Variants in IVNS1ABP observed in about 807,000 individuals in gnomAD.
IVNS1ABP encodes the protein influenza virus NS1A-binding protein.
Under a neutral mutation model 78.9 loss-of-function variants are expected in IVNS1ABP, and 25 were observed. The ratio of observed to expected loss-of-function variants is 0.32; its 90% CI spans 0.23 to 0.44. The LOEUF is 0.44. Among genes scored for constraint, IVNS1ABP ranks in the 20% least tolerant of loss-of-function variants. The pLI, the probability that IVNS1ABP is intolerant of heterozygous loss-of-function variation, is 1.00. For missense variants in IVNS1ABP, 494 were observed against 768.9 expected (o/e 0.64, Z 4.23); for synonymous variants, 241 against 259.7 (o/e 0.93, Z 0.69).
chr1:185,309,262 C>G (rs1193821547), intron 3 of IVNS1ABP, 90 bp from the exon 4 acceptor site: 4 of 1,213,050 alleles, frequency 3.3e-6, no homozygotes, highest in Admixed American at 2.7e-5. Flanking sequence ...TCTTACATTT[C>G]TCAGTATTCT....
intron 9 of IVNS1ABP, 93 bp from the exon 10 acceptor site, chr1:185,301,289 A>C: frequency 7.1e-7 from 1 of 1,407,898 alleles, no homozygotes; most frequent in Non-Finnish European, 9.9e-7. Flanking sequence ...CACATCCCAG[A>C]CTGGAACAAT....
At chr1:185,303,741 G>T (rs745795471) in intron 8 of IVNS1ABP, among the ~76,000 whole-genome samples, 27 of 151,748 alleles carry the variant, frequency 1.8e-4, no homozygotes, top group Non-Finnish European at 3.7e-4. Flanking sequence ...CTATAAACTG[G>T]GCTCAAACTT....
rs146966164 is a variant in IVNS1ABP, at chr1:185,312,643, A to C, written c.-246-1321T>G. 4.3e-3 allele frequency among the ~76,000 whole-genome samples: 652 copies of C among 152,346 alleles called. 5 individuals are homozygous for C. Among genetic ancestry groups the C allele is most frequent in the African/African-American group, 0.015 (613 of 41,580 alleles). ...GATTGTTGTGAATGCTTACCCTTGC[A>C]TCAAAACTATATCACAGCATTAGGT... On this transcript the variant is annotated intron_variant, in intron 1 of 14. Coordinates refer to ENST00000367498, the MANE Select transcript of IVNS1ABP (RefSeq NM_006469.5).
rs534246432 is a variant in IVNS1ABP at position 185,313,320 on chromosome 1, T to C, written c.-246-1998A>G. On this transcript the variant is annotated intron_variant, in intron 1 of 14. Coordinates refer to ENST00000367498, the MANE Select transcript of IVNS1ABP (RefSeq NM_006469.5). Reference sequence around the variant, plus strand: ...TTCCATGACAGTACCTGATTTTTAGTACATCAAGGTCATAATATGAACCTC... The same window carrying C: ...TTCCATGACAGTACCTGATTTTTAGCACATCAAGGTCATAATATGAACCTC... 6.6e-5 allele frequency among the ~76,000 whole-genome samples: 10 copies of C among 152,194 alleles called. No homozygotes were observed. The East Asian group carries it at 1.9e-3, about 29-fold the overall frequency.
In IVNS1ABP at chr1:185,296,986, T is replaced by C. The variant is rs370788093; in HGVS notation, c.*1049A>G. 12 of 152,260 alleles carry C rather than the reference T, an allele frequency of 7.9e-5. No individual in the cohort carries two copies. The highest frequency in any genetic ancestry group is 5.8e-4 in the East Asian group (3 of 5,178). 9.4% of individuals were successfully genotyped at this position (152,260 alleles called of 1,614,324 possible). A position where few individuals can be genotyped will look rare whatever the true frequency, so the allele number is the denominator to read the frequency against. On this transcript the variant is annotated 3_prime_UTR_variant, in exon 15 of 15. Transcript: ENST00000367498. ...TGCTATTTTGGCCCCATAAGTTAGGTGTGTAGCACTACACATTAGACACCA... is the reference window on the plus strand; with the variant it reads ...TGCTATTTTGGCCCCATAAGTTAGGCGTGTAGCACTACACATTAGACACCA...
intron 5 of IVNS1ABP, chr1:185,307,931 G>A: frequency 6.5e-7 from 1 of 1,534,008 alleles, no homozygotes; most frequent in Non-Finnish European, 8.8e-7. Flanking sequence ...GAATAATTTG[G>A]TAAGGCTTCA....
At position 185,301,528 on chromosome 1, in the gene IVNS1ABP, T is replaced by G; in HGVS notation, c.801A>C (p.Ile267=). 6 of 1,613,184 alleles carry G rather than the reference T, an allele frequency of 3.7e-6. No individual in the cohort carries two copies. The highest frequency in any genetic ancestry group is 5.1e-6 in the Non-Finnish European group (6 of 1,179,358). ...KPPRENGHKQ[I]SSSSTGCLSS... is the part of the protein sequence containing the mutation. The stretch of plus-strand genomic sequence containing the variant: ...AGAGACATCCAGTTGAACTGCTACT[T>G]ATCTGCTTATGGCCATTCTCACGTG... Residue 267 remains isoleucine, a synonymous_variant, in exon 9 of 15, where the codon ATA becomes ATC. Coordinates refer to ENST00000367498, the MANE Select transcript of IVNS1ABP (RefSeq NM_006469.5).
Position 185,298,137 on chromosome 1 carries a change from A to G in IVNS1ABP, c.1827T>C (p.Tyr609=). Reference sequence around the variant, plus strand: ...CATTGCCATCGAATCCTCCCACTGCATAAATGGTGTTCCCTACAGTTGCAA... The same window carrying G: ...CATTGCCATCGAATCCTCCCACTGCGTAAATGGTGTTCCCTACAGTTGCAA... ...AGIATVGNTI[Y]AVGGFDGNEF... Residue 609 remains tyrosine (Y), a synonymous_variant, in exon 15 of 15, where the codon TAT becomes TAC. Coordinates refer to ENST00000367498, the MANE Select transcript of IVNS1ABP (RefSeq NM_006469.5). This position sits in a 1 kb window ranked among gnomAD's most constrained non-coding sequence, Gnocchi z 4.1. 6.2e-7 allele frequency: 1 copy of G among 1,613,858 alleles called. No homozygotes were observed. The highest frequency in any genetic ancestry group is 8.5e-7 in the Non-Finnish European group (1 of 1,179,824).
In IVNS1ABP at chr1:185,299,710, C is replaced by T; in HGVS notation, c.1675G>A (p.Gly559Arg). ...RRGAGVAVLN[G>R]KLFVCGGFDG... ...CACCTCTCCAAATCCCAACACTCAC[C>T]ATTAAGAACAGCCACTCCAGCTCCT... Residue 559 changes from glycine (G) to arginine (R), a missense_variant and splice_region_variant, in exon 14 of 15, where the codon GGA (glycine) becomes AGA (arginine). Gly to Arg is a moderately radical substitution (Grantham distance 125). Coordinates refer to ENST00000367498, the MANE Select transcript of IVNS1ABP (RefSeq NM_006469.5). The T allele has an allele frequency of 6.2e-7, 1 of 1,613,554 alleles. No homozygotes were observed. The highest frequency in any genetic ancestry group is 8.5e-7 in the Non-Finnish European group (1 of 1,179,648).
chr1:185,296,894 C>T lies in IVNS1ABP; in HGVS notation c.*1141G>A, dbSNP rs763543703. ...GTACAAGCAGCAATTGGATATTAATCCCATGGTGCAAGGATTTCCTGCAAA... is the reference window on the plus strand; with the variant it reads ...GTACAAGCAGCAATTGGATATTAATTCCATGGTGCAAGGATTTCCTGCAAA... On this transcript the variant is annotated 3_prime_UTR_variant, in exon 15 of 15. Coordinates refer to ENST00000367498, the MANE Select transcript of IVNS1ABP (RefSeq NM_006469.5). 2 of 152,054 alleles carry T rather than the reference C, an allele frequency of 1.3e-5. No homozygotes were observed. Among genetic ancestry groups the T allele is most frequent in the Non-Finnish European group, 1.5e-5 (1 of 67,990 alleles). The allele number at this position is 152,054 out of a possible 1,614,324, so 9.4% of individuals were successfully genotyped here. A position where few individuals can be genotyped will look rare whatever the true frequency, so the allele number is the denominator to read the frequency against.
Position 185,300,040 on chromosome 1 carries a change from G to T in IVNS1ABP, c.1460C>A (p.Pro487His). 6.2e-7 allele frequency: 1 copy of T among 1,613,344 alleles called. No individual in the cohort carries two copies. The highest frequency in any genetic ancestry group is 8.5e-7 in the Non-Finnish European group (1 of 1,179,728). Residue 487 changes from proline to histidine, a missense_variant, in exon 13 of 15, where the codon CCT becomes CAT. By Grantham distance (77) the Pro-to-His change is moderately conservative. Coordinates refer to ENST00000367498, the MANE Select transcript of IVNS1ABP (RefSeq NM_006469.5). ...KGLKNCDVFD[P>H]VTKLWTSCAP... ...ACAGCTTGTCCACAACTTTGTTACA[G>T]GATCAAATACATCACAATTTTTCAG...
rs547926029 is a variant in IVNS1ABP, at chr1:185,300,861, A to G, written c.1120+111T>C. ...TATTCAATAGTATTGTTATTTCCCT[A>G]TCTTATTGGATTGCCGTGAAAGATG... is the stretch of plus-strand genomic sequence containing the variant. On this transcript the variant is annotated intron_variant, in intron 10 of 14. Transcript: ENST00000367498. 3.8e-6 allele frequency: 3 copies of G among 789,476 alleles called. No individual in the cohort carries two copies. The East Asian group carries it at 7.6e-5, about 20-fold the overall frequency. The allele number at this position is 789,476 out of a possible 1,614,324, so 48.9% of individuals were successfully genotyped here.
chr1:185,307,912 T>C (rs1665781355), intron 5 of IVNS1ABP: 1 of 1,524,986 alleles, frequency 6.6e-7, no homozygotes. Context: ...ACATAAGTAT[T>C]TTCAAGTAGA....
rs931249980 is a variant in IVNS1ABP, at chr1:185,296,408, C to T, written c.*1627G>A. The T allele has an allele frequency of 5.3e-5, 8 of 152,094 alleles. No individual in the cohort carries two copies. The highest frequency in any genetic ancestry group is 1.0e-4 in the Non-Finnish European group (7 of 68,000). The allele number at this position is 152,094 out of a possible 1,614,324, so 9.4% of individuals were successfully genotyped here. A position where few individuals can be genotyped will look rare whatever the true frequency, so the allele number is the denominator to read the frequency against. On this transcript the variant is annotated 3_prime_UTR_variant, in exon 15 of 15. Transcript: ENST00000367498. The stretch of plus-strand genomic sequence containing the variant: ...AAGGATTTTAGTGCTGAATCCTCAA[C>T]TAAAATTTTATTTCCTTGTGCTGAA...
chr1:185,307,805 AAC>A, intron 5 of IVNS1ABP, 143 bp from the exon 6 acceptor site: 1 of 1,190,120 alleles, frequency 8.4e-7, no homozygotes, highest in Non-Finnish European at 1.2e-6. Flanking sequence ...TAGTGGTAAT[AAC>A]ACGTATACAA....
At chr1:185,314,711 TTA>T (rs779926712) in intron 1 of IVNS1ABP, among the ~76,000 whole-genome samples, 19 of 152,332 alleles carry the variant, frequency 1.2e-4, no homozygotes, top group African/African-American at 1.9e-4. Flanking sequence ...CCATGCTCCT[TTA>T]AGGCAGTGAG....
chr1:185,306,566 A>AT (rs1482202734), intron 7 of IVNS1ABP: 2 of 1,281,458 alleles, frequency 1.6e-6, no homozygotes, highest in African/African-American at 3.1e-5. Flanking sequence ...TTACGTGTCA[A>AT]TACACTTGAG....
intron 13 of IVNS1ABP, 51 bp downstream of exon 13, chr1:185,299,948 A>G (rs769375839): frequency 1.2e-6 from 2 of 1,610,534 alleles, no homozygotes; most frequent in African/African-American, 2.7e-5. Flanking sequence ...TACTACACAT[A>G]CTGTTGATTT....
intron 2 of IVNS1ABP, among the ~76,000 whole-genome samples, chr1:185,309,745 T>G (rs1665835694): frequency 6.6e-6 from 1 of 152,188 alleles, no homozygotes; most frequent in African/African-American, 2.4e-5. Context: ...AGCAGCTATC[T>G]CGACAATTTT....
Sources: allele counts gnomAD v4.1 joint callset (sites outside exome capture counted in the v4.1 genomes callset), GRCh38; gene constraint gnomAD v4.1.1; non-coding constraint Gnocchi (gnomAD v3.1); transcripts MANE v1.5; gene names NCBI Gene and HGNC (gene_info 2026-07-23, HGNC 2026-07-21).